The following CACNA1H variants were observed in gnomAD, a reference collection of about 807,000 sequenced individuals.
The protein encoded by CACNA1H is voltage-dependent T-type calcium channel subunit alpha-1H.
Under a neutral mutation model 192.5 loss-of-function variants are expected in CACNA1H, and 149 were observed. The ratio of observed to expected loss-of-function variants is 0.77; its 90% confidence interval spans 0.68 to 0.89. The LOEUF is 0.89. Among genes scored for constraint, CACNA1H ranks in the 40% least tolerant of loss-of-function variants. CACNA1H has a pLI of 0.00. For missense variants in CACNA1H, 4,257 were observed against 3,423.5 expected, an observed-to-expected ratio of 1.24 and a Z score of -6.08; for synonymous variants, 2,202 against 1,475.2, an observed-to-expected ratio of 1.49 and a Z score of -11.29.
At position 1,209,219 on chromosome 16, in the gene CACNA1H, C is replaced by T. The variant is rs917302496; in HGVS notation, c.3551C>T (p.Ala1184Val). 4.5e-6 allele frequency: 7 copies of T among 1,546,000 alleles called. No homozygotes were observed. The highest frequency in any genetic ancestry group is 6.1e-6 in the Non-Finnish European group (7 of 1,146,722). ...GACGACGAAGCTGAGGACGGCAGGG[C>T]CGCGCCCGGGCCCCGTGCCACCCCA... ...STDDEAEDGR[A>V]APGPRATPLR... Residue 1184 changes from alanine to valine, a missense_variant, in exon 17 of 35, where the codon GCC becomes GTC. Physicochemically the swap from Ala to Val is moderately conservative, Grantham distance 64. Transcript: ENST00000348261.
At chr16:1,175,833 C>T (rs1179247615) in intron 2 of CACNA1H, among the ~76,000 whole-genome samples, 3 of 152,176 alleles carry the variant, frequency 2.0e-5, no homozygotes, top group East Asian at 1.9e-4. Flanking sequence ...TGGGATGGTG[C>T]GTTGAGGGGC....
rs1272529415 is a variant in CACNA1H, at chr16:1,219,147, G to C, written c.6048+17G>C. 6.8e-7 allele frequency: 1 copy of C among 1,479,418 alleles called. No homozygotes were observed. The allele number at this position is 1,479,418 out of a possible 1,614,324, so 91.6% of individuals were successfully genotyped here. ...TGCAGACAGGTAGGAGAAGCCGTTG[G>C]CCTGCAGCAGAGGCTGGCGGGGATG... On this transcript the variant is annotated intron_variant, in intron 34 of 34. Coordinates refer to ENST00000348261, the MANE Select transcript of CACNA1H (RefSeq NM_021098.3).
chr16:1,208,227 G>A lies in CACNA1H; in HGVS notation c.3363+6G>A, dbSNP rs574199321. 3.7e-5 allele frequency: 58 copies of A among 1,549,452 alleles called. No homozygotes were observed. In the African/African-American group the frequency reaches 6.3e-4, roughly 17 times the overall value. The stretch of plus-strand genomic sequence containing the variant: ...TGGGAGACCAGAAGCCTCCGGTAGG[G>A]ACCATCTCCTGCCCCAGCTCTCAGG... On this transcript the variant is annotated splice_donor_region_variant and intron_variant, in intron 16 of 34. Coordinates refer to ENST00000348261, the MANE Select transcript of CACNA1H (RefSeq NM_021098.3).
rs3751661 is a variant in CACNA1H at position 1,194,887 on chromosome 16, T to A, written c.300-85T>A. 403,335 of 990,316 alleles carry A rather than the reference T, an allele frequency of 0.41. 86,804 individuals are homozygous for A. The highest frequency in any genetic ancestry group is 0.47 in the African/African-American group (29,600 of 63,088). 61.3% of individuals were successfully genotyped at this position (990,316 alleles called of 1,614,324 possible). ...CACGCGCGCACACCCGTGGCGGGGC[T>A]CCGGCTGACCGGGTGGGCATTTGGA... On this transcript the variant is annotated intron_variant, in intron 2 of 34. Transcript: ENST00000348261.
At chr16:1,161,753 G>A (rs1963222609) in intron 2 of CACNA1H, among the ~76,000 whole-genome samples, 1 of 152,186 alleles carries the variant, frequency 6.6e-6, no homozygotes, top group Admixed American at 6.5e-5. Context: ...TGGGTGGCCA[G>A]TGCGGCGGCT....
Position 1,220,620 on chromosome 16 carries a change from G to GT in CACNA1H, c.6688_6689insT (p.Asp2230ValfsTer30). 1 of 1,583,662 alleles carries GT rather than the reference G, an allele frequency of 6.3e-7. No homozygotes were observed. The highest frequency in any genetic ancestry group is 8.6e-7 in the Non-Finnish European group (1 of 1,168,044). ...GTCCTGTGAGGCCACGCCTCACAGG[G>GT]ACTCCCTGGAGCCCACAGAGGGCTC... On this transcript the variant is annotated frameshift_variant, in exon 35 of 35. Transcript: ENST00000348261. LOFTEE classifies it low-confidence loss of function (END_TRUNC).
chr16:1,219,453 G>A (rs932951725), intron 34 of CACNA1H, among the ~76,000 whole-genome samples: 5 of 152,050 alleles, frequency 3.3e-5, no homozygotes, highest in African/African-American at 1.2e-4. Flanking sequence ...GTTTCCCAGG[G>A]CCCACGGCGG....
At chr16:1,176,922 A>G (rs1474131761) in intron 2 of CACNA1H, among the ~76,000 whole-genome samples, 1 of 151,940 alleles carries the variant, frequency 6.6e-6, no homozygotes, top group African/African-American at 2.4e-5. Flanking sequence ...TGCTGTGAGG[A>G]TGTTCCGTGG....
intron 16 of CACNA1H, among the ~76,000 whole-genome samples, chr16:1,208,736 G>C (rs567557845): frequency 6.6e-6 from 1 of 152,316 alleles, no homozygotes; most frequent in African/African-American, 2.4e-5. Flanking sequence ...CGCAGGCCCA[G>C]TGTGCTCCTG....
At chr16:1,205,819 A>G (rs1208185127) in intron 11 of CACNA1H, among the ~76,000 whole-genome samples, 1 of 152,178 alleles carries the variant, frequency 6.6e-6, no homozygotes, top group African/African-American at 2.4e-5. Flanking sequence ...GGCCCAGGAT[A>G]GGAGAGCGCC....
chr16:1,156,098 G>A (rs1962336691), intron 2 of CACNA1H, among the ~76,000 whole-genome samples: 1 of 152,170 alleles, frequency 6.6e-6, no homozygotes, highest in South Asian at 2.1e-4. Context: ...GCCCTTCGAT[G>A]GCATCCCTTG....
chr16:1,204,163 G>T lies in CACNA1H; in HGVS notation c.2156G>T (p.Ser719Ile). The change falls in exon 10 of 35, where the codon AGT becomes ATT. Residue 719 changes from serine (S) to isoleucine (I), a missense_variant. Physicochemically the swap from Ser to Ile is moderately radical, Grantham distance 142. Transcript: ENST00000348261. ...DPEGELSGSE[S>I]GDSDGRGVYE... ...GAGGGTGAGCTCAGCGGCTCGGAAA[G>T]TGGAGACTCAGATGGCCGTGGCGTC... The T allele has an allele frequency of 6.2e-7, 1 of 1,612,398 alleles. No individual in the cohort carries two copies. The highest frequency in any genetic ancestry group is 8.5e-7 in the Non-Finnish European group (1 of 1,179,742).
Position 1,220,163 on chromosome 16 carries a change from C to T in CACNA1H, c.6231C>T (p.Arg2077=). The part of the protein sequence containing the change: ...VRTRKHTFGQ[R]CVSSRPAAPG... ...CTCGTAAGCATACCTTCGGACAGCG[C>T]TGCGTCTCCAGCCGGCCGGCGGCCC... is the stretch of plus-strand genomic sequence containing the variant. The change falls in exon 35 of 35, where the codon CGC becomes CGT. Residue 2077 remains arginine, a synonymous_variant. Transcript: ENST00000348261. 2 of 1,522,452 alleles carry T rather than the reference C, an allele frequency of 1.3e-6. No individual in the cohort carries two copies. The highest frequency in any genetic ancestry group is 1.8e-6 in the Non-Finnish European group (2 of 1,137,740). The allele number at this position is 1,522,452 out of a possible 1,614,324, so 94.3% of individuals were successfully genotyped here. A position where few individuals can be genotyped will look rare whatever the true frequency, so the allele number is the denominator to read the frequency against.
rs1043511168 is a variant in CACNA1H, at chr16:1,154,010, C to G, written c.273C>G (p.Ser91Arg). 1 of 1,333,548 alleles carries G rather than the reference C, an allele frequency of 7.5e-7. No individual in the cohort carries two copies. The allele number at this position is 1,333,548 out of a possible 1,614,324, so 82.6% of individuals were successfully genotyped here. A position where few individuals can be genotyped will look rare whatever the true frequency, so the allele number is the denominator to read the frequency against. ...TCGGTCAGACCACGCGGCCGCGCAG[C>G]TGGTGCCTCCGGCTGGTCTGCAACC... ...FCLGQTTRPRSWCLRLVCNPW... is the reference protein window; with the variant it reads ...FCLGQTTRPRRWCLRLVCNPW... Residue 91 changes from serine (S) to arginine (R), a missense_variant, in exon 2 of 35, where the codon AGC becomes AGG. Ser to Arg is a moderately radical substitution (Grantham distance 110). Transcript: ENST00000348261.
intron 2 of CACNA1H, among the ~76,000 whole-genome samples, chr16:1,160,358 A>G (rs866898092): frequency 3.3e-4 from 50 of 152,060 alleles, no homozygotes; most frequent in African/African-American, 9.7e-4. Context: ...GCGACCACTC[A>G]CCCTGGGCAG....
In CACNA1H at chr16:1,188,644, G is replaced by A. The variant is rs567128488; in HGVS notation, c.300-6328G>A. Among the ~76,000 whole-genome samples, 4 of 152,344 alleles carry A rather than the reference G, an allele frequency of 2.6e-5. No individual in the cohort carries two copies. The South Asian group carries it at 8.3e-4, about 32-fold the overall frequency. ...CGCGCCCAGGGGCCGGGAGAAAACG[G>A]CGCCTTCAGAGCTATGCGCTTTCAA... On this transcript the variant is annotated intron_variant, in intron 2 of 34. Transcript: ENST00000348261.
Position 1,220,497 on chromosome 16 carries a change from C to G in CACNA1H, c.6565C>G (p.Pro2189Ala), listed in dbSNP as rs538538654. Residue 2189 changes from proline (P) to alanine (A), a missense_variant, in exon 35 of 35, where the codon CCC (proline) becomes GCC (alanine). Coordinates refer to ENST00000348261, the MANE Select transcript of CACNA1H (RefSeq NM_021098.3). ...TGCGCGCAGAAAGAAGAAGATGAGC[C>G]CCCCCTGCATCTCGGTGGAACCCCC... is the stretch of plus-strand genomic sequence containing the variant. Reference protein sequence around the residue: ...LGARRKKKMSPPCISVEPPAE... With the variant: ...LGARRKKKMSAPCISVEPPAE... The G allele has an allele frequency of 5.2e-6, 8 of 1,542,930 alleles. No individual in the cohort carries two copies. The highest frequency in any genetic ancestry group is 1.4e-5 in the African/African-American group (1 of 71,850).
At chr16:1,156,113 G>A (rs943565456) in intron 2 of CACNA1H, among the ~76,000 whole-genome samples, 1 of 152,278 alleles carries the variant, frequency 6.6e-6, no homozygotes, top group East Asian at 1.9e-4. Context: ...CCCTTGCTTG[G>A]AGCACTGGGT....
chr16:1,189,601 T>C (rs1187086874), intron 2 of CACNA1H, among the ~76,000 whole-genome samples: 3 of 151,734 alleles, frequency 2.0e-5, no homozygotes, highest in Non-Finnish European at 4.4e-5. Context: ...GTTAAATATT[T>C]TGTAGCAATG....
Sources: allele counts gnomAD v4.1 joint callset (sites outside exome capture counted in the v4.1 genomes callset), GRCh38; gene constraint gnomAD v4.1.1; transcripts MANE v1.5; gene names NCBI Gene and HGNC (gene_info 2026-07-23, HGNC 2026-07-21).